The following ARHGAP22 variants were observed in gnomAD, a reference collection of about 807,000 sequenced individuals.
The protein encoded by ARHGAP22 is rho GTPase-activating protein 22.
ARHGAP22 carries 48 observed loss-of-function variants against 59.1 expected under a neutral mutation model. The observed-to-expected ratio is 0.81, with a 90% CI of 0.64 to 1.03. ARHGAP22 has a LOEUF of 1.03. ARHGAP22 is among the 50% of genes least tolerant of loss of function. The probability of loss-of-function intolerance (pLI) is 0.00; values close to 1 mark genes in which losing one functional copy is unlikely to be tolerated. For synonymous variants in ARHGAP22, 445 were observed against 416.4 expected, an observed-to-expected ratio of 1.07 and a Z score of -0.84; for missense variants, 1,015 against 958.7, an observed-to-expected ratio of 1.06 and a Z score of -0.78.
At chr10:48,439,975 G>C in the ARHGAP22 span, among the ~76,000 whole-genome samples, 1 of 152,212 alleles carries the variant, frequency 6.6e-6, no homozygotes, top group Admixed American at 6.5e-5. Flanking sequence ...CGTGGCAGCT[G>C]AGCTGTTTCA....
chr10:48,452,594 C>T (rs541757098), intron 8 of ARHGAP22, among the ~76,000 whole-genome samples: 44 of 152,360 alleles, frequency 2.9e-4, no homozygotes, highest in Admixed American at 7.8e-4. Context: ...CCTGTCTGAG[C>T]AGCACGTCTC....
intron 3 of ARHGAP22, among the ~76,000 whole-genome samples, chr10:48,524,466 C>G (rs2054143168): frequency 7.9e-6 from 1 of 126,742 alleles, no homozygotes; most frequent in Admixed American, 7.5e-5. Flanking sequence ...CAGGAGCCGC[C>G]AGGGGGCGCC....
intron 3 of ARHGAP22, among the ~76,000 whole-genome samples, chr10:48,530,943 G>A (rs2054785577): frequency 6.6e-6 from 1 of 152,148 alleles, no homozygotes; most frequent in Non-Finnish European, 1.5e-5. Flanking sequence ...AGGAAAGTAA[G>A]TCATTATATG....
intron 4 of ARHGAP22, among the ~76,000 whole-genome samples, chr10:48,473,546 G>A (rs2048423351): frequency 6.6e-6 from 1 of 151,548 alleles, no homozygotes; most frequent in South Asian, 2.1e-4. Flanking sequence ...AGAGAACGCT[G>A]AGGACTATTT....
At chr10:48,548,019 A>G (rs983100042) in intron 3 of ARHGAP22, among the ~76,000 whole-genome samples, 3 of 152,186 alleles carry the variant, frequency 2.0e-5, no homozygotes, top group African/African-American at 7.2e-5. Flanking sequence ...TCCAGATGCC[A>G]GAGTGGATAG....
chr10:48,590,133 G>T (rs1376079367), intron 1 of ARHGAP22, among the ~76,000 whole-genome samples: 1 of 152,076 alleles, frequency 6.6e-6, no homozygotes, highest in Admixed American at 6.5e-5. Flanking sequence ...GAGGGTAGGG[G>T]TGACAGGAGG....
At chr10:48,489,669 C>T (rs1177835091) in intron 3 of ARHGAP22, among the ~76,000 whole-genome samples, 1 of 150,956 alleles carries the variant, frequency 6.6e-6, no homozygotes, top group Non-Finnish European at 1.5e-5. Context: ...TTTTAATTGT[C>T]TGTGTGGCCA....
intron 3 of ARHGAP22, among the ~76,000 whole-genome samples, chr10:48,500,977 T>C (rs937932498): frequency 1.3e-5 from 2 of 151,356 alleles, no homozygotes; most frequent in African/African-American, 4.8e-5. Context: ...GTATAAAATT[T>C]TGGAGAAGGC....
chr10:48,436,604 C>A, the ARHGAP22 span: 5 of 152,186 alleles, frequency 3.3e-5, no homozygotes, highest in African/African-American at 1.2e-4. Flanking sequence ...TGCGGCTCAA[C>A]ATGCAATGTC....
At chr10:48,507,779 G>A (rs548441668) in intron 3 of ARHGAP22, among the ~76,000 whole-genome samples, 1 of 152,074 alleles carries the variant, frequency 6.6e-6, no homozygotes, top group South Asian at 2.1e-4. Context: ...ACAGGCTAAA[G>A]AAATCACAAA....
chr10:48,563,385 G>A (rs577242388), intron 2 of ARHGAP22, among the ~76,000 whole-genome samples: 5 of 152,030 alleles, frequency 3.3e-5, no homozygotes, highest in Non-Finnish European at 5.9e-5. Context: ...AGTGGAGATG[G>A]GGTTTCACCG....
intron 3 of ARHGAP22, among the ~76,000 whole-genome samples, chr10:48,498,725 A>G (rs2051200174): frequency 6.6e-6 from 1 of 152,198 alleles, no homozygotes; most frequent in Non-Finnish European, 1.5e-5. Context: ...CAAGCAGGCA[A>G]TGACAAAAGC....
At chr10:48,441,788 G>A (rs2045209169), downstream of ARHGAP22, among the ~76,000 whole-genome samples, 1 of 152,212 alleles carries the variant, frequency 6.6e-6, no homozygotes, top group African/African-American at 2.4e-5. Context: ...GTCCTGGAAA[G>A]GTTGGGGTCT....
intron 2 of ARHGAP22, among the ~76,000 whole-genome samples, chr10:48,558,618 C>T (rs1049064365): frequency 3.9e-5 from 6 of 152,174 alleles, no homozygotes; most frequent in African/African-American, 1.2e-4. Context: ...CTTCTTGCCT[C>T]GGCCTCCCAA....
chr10:48,450,411 G>A lies in ARHGAP22; in HGVS notation c.1718C>T (p.Ala573Val). The A allele has an allele frequency of 6.4e-7, 1 of 1,570,388 alleles. No individual in the cohort carries two copies. The highest frequency in any genetic ancestry group is 8.6e-7 in the Non-Finnish European group (1 of 1,158,998). ...CTCGCTGTTGCTGGCACCCGCGCCCGCCTCGTCCATGCTGTGGTCCAGGTC... is the reference window on the plus strand; with the variant it reads ...CTCGCTGTTGCTGGCACCCGCGCCCACCTCGTCCATGCTGTGGTCCAGGTC... ...SLDLDHSMDEAGAGASNSEPS... is the reference protein window; with the variant it reads ...SLDLDHSMDEVGAGASNSEPS... The change falls in exon 9 of 10, where the codon GCG becomes GTG. Residue 573 changes from alanine (A) to valine (V), a missense_variant. Physicochemically the swap from Ala to Val is moderately conservative, Grantham distance 64. Coordinates refer to ENST00000249601, the MANE Select transcript of ARHGAP22 (RefSeq NM_021226.4).
At chr10:48,581,684 T>C (rs559652189) in intron 2 of ARHGAP22, among the ~76,000 whole-genome samples, 1 of 152,378 alleles carries the variant, frequency 6.6e-6, no homozygotes, top group African/African-American at 2.4e-5. Context: ...AAGTCTACTA[T>C]TTGAACCACT....
chr10:48,546,713 A>G (rs2056469125), intron 3 of ARHGAP22: 1 of 156,080 alleles, frequency 6.4e-6, no homozygotes. Flanking sequence ...GCCAAGGGAA[A>G]TCCTGAAGCT....
chr10:48,628,776 T>TGG (rs2061534358), intron 1 of ARHGAP22, among the ~76,000 whole-genome samples: 2 of 152,254 alleles, frequency 1.3e-5, no homozygotes, highest in African/African-American at 4.8e-5. Flanking sequence ...GGTGGCCCCT[T>TGG]GGAGTCATCA....
chr10:48,604,709 G>C, intron 1 of ARHGAP22, 54 bp downstream of exon 1: 1 of 1,614,038 alleles, frequency 6.2e-7, no homozygotes, highest in Non-Finnish European at 8.5e-7. Context: ...GTCCGCGCAC[G>C]TTTGCCAAGA....
Sources: allele counts gnomAD v4.1 joint callset (sites outside exome capture counted in the v4.1 genomes callset), GRCh38; gene constraint gnomAD v4.1.1; transcripts MANE v1.5; gene names NCBI Gene and HGNC (gene_info 2026-07-23, HGNC 2026-07-21).